Variants in HES7 observed in about 807,000 individuals in gnomAD.
The protein encoded by HES7 is hes family bHLH transcription factor 7.
HES7 carries 8 observed loss-of-function variants against 18.0 expected under a neutral mutation model. The observed-to-expected ratio is 0.45, with a 90% CI of 0.26 to 0.80. The LOEUF is 0.80. Ranked by LOEUF, HES7 falls within the 30% of genes least tolerant of loss-of-function variation. The pLI, the probability that HES7 is intolerant of heterozygous loss-of-function variation, is 0.18. For missense variants in HES7, 356 were observed against 340.9 expected (o/e 1.04, Z -0.35); for synonymous variants, 170 against 158.6 (o/e 1.07, Z -0.54).
upstream of HES7, among the ~76,000 whole-genome samples, chr17:8,124,472 G>C (rs1419485283): frequency 4.6e-5 from 7 of 152,134 alleles, no homozygotes; most frequent in Non-Finnish European, 8.8e-5. Flanking sequence ...ATAGAAGTTA[G>C]CACCTCTCAG....
chr17:8,123,907 T>A lies in HES7; in HGVS notation c.42+136A>T. The A allele has an allele frequency of 2.1e-6, 2 of 969,336 alleles. No homozygotes were observed. Among genetic ancestry groups the A allele is most frequent in the Non-Finnish European group, 3.2e-6 (2 of 630,410 alleles). 60.0% of individuals were successfully genotyped at this position (969,336 alleles called of 1,614,324 possible). Reference sequence around the variant, plus strand: ...CATATTTTGCAGCTTCCTCTCCAGCTTCTGGCTCCTGGAGTTCTGGAGCAC... The same window carrying A: ...CATATTTTGCAGCTTCCTCTCCAGCATCTGGCTCCTGGAGTTCTGGAGCAC... On this transcript the variant is annotated intron_variant, in intron 1 of 3. Coordinates refer to ENST00000541682, the MANE Select transcript of HES7 (RefSeq NM_001165967.2). The surrounding 1 kb of genome is among the most constrained non-coding windows in gnomAD (Gnocchi z 5.9).
Position 8,123,327 on chromosome 17 carries a change from G to C in HES7, c.43-201C>G. ...TCAGTTTCTGTAGCTCGCCTCCCCGGATCTTCGCATTCTCCTCTCTCAGTC... is the reference window on the plus strand; with the variant it reads ...TCAGTTTCTGTAGCTCGCCTCCCCGCATCTTCGCATTCTCCTCTCTCAGTC... On this transcript the variant is annotated intron_variant, in intron 1 of 3. Transcript: ENST00000541682. This position sits in a 1 kb window ranked among gnomAD's most constrained non-coding sequence, Gnocchi z 5.9. The C allele has an allele frequency of 5.0e-6, 3 of 604,502 alleles. No homozygotes were observed. The Admixed American group carries it at 8.5e-5, about 17-fold the overall frequency. 37.4% of individuals were successfully genotyped at this position (604,502 alleles called of 1,614,324 possible).
upstream of HES7, among the ~76,000 whole-genome samples, chr17:8,125,700 A>T (rs904979807): frequency 6.6e-6 from 1 of 152,044 alleles, no homozygotes; most frequent in Non-Finnish European, 1.5e-5. Flanking sequence ...GTCCGCCTCA[A>T]CCTCTTACAA....
chr17:8,121,991 C>T lies in HES7; in HGVS notation c.273G>A (p.Glu91=). The T allele has an allele frequency of 1.3e-6, 2 of 1,532,006 alleles. No homozygotes were observed. The highest frequency in any genetic ancestry group is 8.7e-7 in the Non-Finnish European group (1 of 1,148,358). 94.9% of individuals were successfully genotyped at this position (1,532,006 alleles called of 1,614,324 possible). A position where few individuals can be genotyped will look rare whatever the true frequency, so the allele number is the denominator to read the frequency against. Residue 91 remains glutamate (E), a synonymous_variant, in exon 4 of 4, where the codon GAG becomes GAA. Coordinates refer to ENST00000541682, the MANE Select transcript of HES7 (RefSeq NM_001165967.2). ...GVPRSPVQDA[E]ALASCYLSGF... is the part of the protein sequence containing the mutation. ...CGGACAAGTAGCAGCTGGCGAGCGC[C>T]TCGGCGTCCTGGACTGGGGACCGGG...
chr17:8,124,114 C>T (rs1244261167), upstream of HES7: 2 of 1,613,856 alleles, frequency 1.2e-6, 1 homozygote, highest in South Asian at 2.2e-5. Context: ...TGGACCGGTT[C>T]CCTGCTCGCC....
chr17:8,124,176 G>T (rs539964275), upstream of HES7: 2 of 1,491,752 alleles, frequency 1.3e-6, no homozygotes, highest in African/African-American at 1.4e-5. Flanking sequence ...ACCCGACCCC[G>T]CCCCCTTCGA....
In HES7 at chr17:8,121,693, C is replaced by A. The variant is rs387906978; in HGVS notation, c.571G>T (p.Asp191Tyr). The A allele has an allele frequency of 3.8e-5, 51 of 1,327,614 alleles. No homozygotes were observed. The highest frequency in any genetic ancestry group is 1.9e-4 in the East Asian group (6 of 32,188). 82.2% of individuals were successfully genotyped at this position (1,327,614 alleles called of 1,614,324 possible). Residue 191 changes from aspartate (D) to tyrosine (Y), a missense_variant, in exon 4 of 4, where the codon GAT becomes TAT. Transcript: ENST00000541682. ...SPSLCSPRAG[D>Y]SGAPAPLTGL... ...GTGAGGGGCGCCGGCGCGCCAGAAT[C>A]CCCGGCGCGCGGGGAGCAGAGGGAT...
rs755082518 is a variant in HES7 at position 8,120,955 on chromosome 17, A to G, written c.*616T>C. On this transcript the variant is annotated 3_prime_UTR_variant, in exon 4 of 4. Transcript: ENST00000541682. ...TGTGGCGCAATGGATAGCGCATTGG[A>G]CTTCTAGTGACGAATAGAGCAATTC... 1.3e-5 allele frequency: 2 copies of G among 152,684 alleles called. No homozygotes were observed. Among genetic ancestry groups the G allele is most frequent in the Middle Eastern group, 3.2e-3 (1 of 316 alleles). The allele number at this position is 152,684 out of a possible 1,614,324, so 9.5% of individuals were successfully genotyped here.
chr17:8,122,274 A>T lies in HES7; in HGVS notation c.226+69T>A. The T allele has an allele frequency of 1.5e-6, 2 of 1,357,182 alleles. No homozygotes were observed. Among genetic ancestry groups the T allele is most frequent in the Non-Finnish European group, 2.1e-6 (2 of 975,222 alleles). 84.1% of individuals were successfully genotyped at this position (1,357,182 alleles called of 1,614,324 possible). A position where few individuals can be genotyped will look rare whatever the true frequency, so the allele number is the denominator to read the frequency against. ...CCACCATCCACCGCAGGGCCCGCCC[A>T]CTCTGCCCCGGCCGGAGCCTCCTGG... On this transcript the variant is annotated intron_variant, in intron 3 of 3. Transcript: ENST00000541682. This position sits in a 1 kb window ranked among gnomAD's most constrained non-coding sequence, Gnocchi z 6.9.
Position 8,121,382 on chromosome 17 carries a change from G to T in HES7, c.*189C>A. On this transcript the variant is annotated 3_prime_UTR_variant, in exon 4 of 4. Transcript: ENST00000541682. ...GGGAGAAGTTGGGGCAGGGAAAAGG[G>T]ACAGGAACCAGGGAAATATATATTT... 2.4e-6 allele frequency: 1 copy of T among 418,010 alleles called. No individual in the cohort carries two copies. The highest frequency in any genetic ancestry group is 4.1e-6 in the Non-Finnish European group (1 of 245,190). 25.9% of individuals were successfully genotyped at this position (418,010 alleles called of 1,614,324 possible).
chr17:8,125,112 G>A (rs1343542016), upstream of HES7, among the ~76,000 whole-genome samples: 1 of 152,154 alleles, frequency 6.6e-6, no homozygotes, highest in Non-Finnish European at 1.5e-5. Flanking sequence ...ATGACCCTCC[G>A]CAGAACGATG....
In HES7 at chr17:8,122,163, G is replaced by A. The variant is rs564810180; in HGVS notation, c.227-126C>T. 49 of 999,334 alleles carry A rather than the reference G, an allele frequency of 4.9e-5. No homozygotes were observed. In the African/African-American group the frequency reaches 7.6e-4, roughly 16 times the overall value. 61.9% of individuals were successfully genotyped at this position (999,334 alleles called of 1,614,324 possible). ...AGACAGGAAGCCAGATGGACGGAAA[G>A]AGGGAGAAAATGAGGGAGACACAGA... On this transcript the variant is annotated intron_variant, in intron 3 of 3. Coordinates refer to ENST00000541682, the MANE Select transcript of HES7 (RefSeq NM_001165967.2). The surrounding 1 kb of genome is among the most constrained non-coding windows in gnomAD (Gnocchi z 6.9).
rs1455611438 is a variant in HES7, at chr17:8,122,066, G to A, written c.227-29C>T. 1.3e-6 allele frequency: 2 copies of A among 1,481,508 alleles called. No individual in the cohort carries two copies. Among genetic ancestry groups the A allele is most frequent in the Non-Finnish European group, 1.8e-6 (2 of 1,123,252 alleles). The allele number at this position is 1,481,508 out of a possible 1,614,324, so 91.8% of individuals were successfully genotyped here. A position where few individuals can be genotyped will look rare whatever the true frequency, so the allele number is the denominator to read the frequency against. On this transcript the variant is annotated intron_variant, in intron 3 of 3. Transcript: ENST00000541682. This position sits in a 1 kb window ranked among gnomAD's most constrained non-coding sequence, Gnocchi z 6.9. ...GTGCGGCCGGCGGGAGCACAGGTGG[G>A]CAGGGCAGGGGCCCGGCAGGGGTGA...
At chr17:8,126,084 G>C (rs536918122), upstream of HES7, among the ~76,000 whole-genome samples, 22 of 151,310 alleles carry the variant, frequency 1.5e-4, 1 homozygote, top group African/African-American at 5.3e-4. Context: ...CACAGTGCTC[G>C]GATCTCGGCC....
Position 8,123,134 on chromosome 17 carries a change from CAGCG to C in HES7, c.43-12_43-9del. 1 of 1,601,478 alleles carries C rather than the reference CAGCG, an allele frequency of 6.2e-7. No homozygotes were observed. The highest frequency in any genetic ancestry group is 8.5e-7 in the Non-Finnish European group (1 of 1,174,594). ...CACAAGCGGCTTGAGCATCTGCGAC[CAGCG>C]AGAAAAGGAGAGCGGGCCGACCAGA... is the stretch of plus-strand genomic sequence containing the variant. On this transcript the variant is annotated splice_polypyrimidine_tract_variant and intron_variant, in intron 1 of 3. Coordinates refer to ENST00000541682, the MANE Select transcript of HES7 (RefSeq NM_001165967.2). The surrounding 1 kb of genome is among the most constrained non-coding windows in gnomAD (Gnocchi z 5.9).
rs1283568006 is a variant in HES7 at position 8,122,240 on chromosome 17, T to C, written c.226+103A>G. 4.6e-6 allele frequency: 5 copies of C among 1,093,784 alleles called. No individual in the cohort carries two copies. Among genetic ancestry groups the C allele is most frequent in the African/African-American group, 3.2e-5 (2 of 63,236 alleles). 67.8% of individuals were successfully genotyped at this position (1,093,784 alleles called of 1,614,324 possible). On this transcript the variant is annotated intron_variant, in intron 3 of 3. Transcript: ENST00000541682. This position sits in a 1 kb window ranked among gnomAD's most constrained non-coding sequence, Gnocchi z 6.9. The stretch of plus-strand genomic sequence containing the variant: ...CTCGCCTCGGAGCAGAACCGGCCAC[T>C]CCCCAAGCCCACCATCCACCGCAGG...
upstream of HES7, among the ~76,000 whole-genome samples, chr17:8,124,314 G>T (rs1160789902): frequency 2.6e-5 from 4 of 152,116 alleles, no homozygotes; most frequent in Admixed American, 2.0e-4. Context: ...GGCACTGGCT[G>T]GTTTACAGAC....
Position 8,121,760 on chromosome 17 carries a change from TG to T in HES7, c.503del (p.Pro168GlnfsTer206). The T allele has an allele frequency of 6.7e-7, 1 of 1,501,570 alleles. No individual in the cohort carries two copies. Among genetic ancestry groups the T allele is most frequent in the Non-Finnish European group, 8.8e-7 (1 of 1,138,272 alleles). 93.0% of individuals were successfully genotyped at this position (1,501,570 alleles called of 1,614,324 possible). A position where few individuals can be genotyped will look rare whatever the true frequency, so the allele number is the denominator to read the frequency against. ...ALGPALHQRP[P>X]VHQGHPSPRC... ...GCGGGCTAGGGTGGCCCTGGTGCAC[TG>T]GGGGGCGCTGGTGCAGCGCAGGGCC... On this transcript the variant is annotated frameshift_variant, in exon 4 of 4. Coordinates refer to ENST00000541682, the MANE Select transcript of HES7 (RefSeq NM_001165967.2). LOFTEE classifies it high-confidence loss of function.
chr17:8,123,448 G>A lies in HES7; in HGVS notation c.43-322C>T. On this transcript the variant is annotated intron_variant, in intron 1 of 3. Coordinates refer to ENST00000541682, the MANE Select transcript of HES7 (RefSeq NM_001165967.2). The surrounding 1 kb of genome is among the most constrained non-coding windows in gnomAD (Gnocchi z 5.9). ...CTCTTTGTCTCAGTGGAGAACTTTG[G>A]GGACTCTCTGCGCGCACGCACGTGC... The A allele has an allele frequency of 2.2e-6, 1 of 452,776 alleles. No homozygotes were observed. The highest frequency in any genetic ancestry group is 4.1e-6 in the Non-Finnish European group (1 of 245,904). 28.0% of individuals were successfully genotyped at this position (452,776 alleles called of 1,614,324 possible). A position where few individuals can be genotyped will look rare whatever the true frequency, so the allele number is the denominator to read the frequency against.
Sources: allele counts gnomAD v4.1 joint callset (sites outside exome capture counted in the v4.1 genomes callset), GRCh38; gene constraint gnomAD v4.1.1; non-coding constraint Gnocchi (gnomAD v3.1); transcripts MANE v1.5; gene names NCBI Gene and HGNC (gene_info 2026-07-23, HGNC 2026-07-21).